SMAD6: variants seen among roughly 807,000 people sequenced by gnomAD.
SMAD6 encodes MAD homolog 6.
Under a neutral mutation model 39.4 loss-of-function variants are expected in SMAD6, and 103 were observed. The observed-to-expected ratio is 2.62, with a 90% CI of 2.23 to 3.08. The LOEUF is 3.08. Ranked by LOEUF, SMAD6 falls within the 30% of genes most tolerant of loss-of-function variation. The pLI is 0.00. For missense variants in SMAD6, 1,104 were observed against 742.9 expected (o/e 1.49, Z -5.65); for synonymous variants, 445 against 353.3 (o/e 1.26, Z -2.91).
At position 66,703,071 on chromosome 15, in the gene SMAD6, C is replaced by T; in HGVS notation, c.-188C>T. 2.4e-6 allele frequency: 1 copy of T among 422,576 alleles called. No homozygotes were observed. Among genetic ancestry groups the T allele is most frequent in the Non-Finnish European group, 4.2e-6 (1 of 236,158 alleles). The allele number at this position is 422,576 out of a possible 1,614,324, so 26.2% of individuals were successfully genotyped here. The stretch of plus-strand genomic sequence containing the variant: ...GCGCGTGTTCCCGGCCGTCCCGCCT[C>T]GGCGAGCTCCCTCATGTTGTCGCCC... On this transcript the variant is annotated 5_prime_UTR_variant, in exon 1 of 4. Transcript: ENST00000288840.
chr15:66,748,675 G>A (rs560664965), intron 3 of SMAD6, among the ~76,000 whole-genome samples: 21 of 152,260 alleles, frequency 1.4e-4, no homozygotes, highest in African/African-American at 5.1e-4. Flanking sequence ...AGATTGCAAG[G>A]CCCTTTCAGG....
intron 3 of SMAD6, among the ~76,000 whole-genome samples, chr15:66,767,003 C>G (rs1049439098): frequency 2.6e-5 from 4 of 152,172 alleles, no homozygotes; most frequent in African/African-American, 9.7e-5. Context: ...ACAGTGTGTG[C>G]TCTTATCCAG....
chr15:66,769,679 T>C (rs1894347823), intron 3 of SMAD6, among the ~76,000 whole-genome samples: 3 of 152,208 alleles, frequency 2.0e-5, no homozygotes, highest in African/African-American at 7.2e-5. Context: ...TTAGGTACTT[T>C]GCTTTTATGG....
intron 3 of SMAD6, among the ~76,000 whole-genome samples, chr15:66,774,502 C>T (rs1894431945): frequency 6.6e-6 from 1 of 152,176 alleles, no homozygotes; most frequent in Non-Finnish European, 1.5e-5. Flanking sequence ...ACCTCCTCCT[C>T]GGCGCAGACA....
intron 1 of SMAD6, chr15:66,706,201 A>C (rs1213104660): frequency 3.3e-5 from 5 of 152,190 alleles, no homozygotes; most frequent in African/African-American, 1.2e-4. Flanking sequence ...GTGCAGCTTG[A>C]CTTTGGATGA....
At chr15:66,717,135 T>C in intron 3 of SMAD6, 1 of 1,285,856 alleles carries the variant, frequency 7.8e-7, no homozygotes, top group Non-Finnish European at 1.0e-6. Flanking sequence ...CCTTGAGAAA[T>C]GAGAGGTTGG....
At chr15:66,740,983 A>G (rs1893803230) in intron 3 of SMAD6, 1 of 152,216 alleles carries the variant, frequency 6.6e-6, no homozygotes, top group Non-Finnish European at 1.5e-5. Context: ...AGCAGGAACG[A>G]GCTCATTTCG....
At chr15:66,756,762 A>C (rs1037612739) in intron 3 of SMAD6, among the ~76,000 whole-genome samples, 1 of 152,206 alleles carries the variant, frequency 6.6e-6, no homozygotes, top group Non-Finnish European at 1.5e-5. Flanking sequence ...ACTTGCCTAA[A>C]ATCACAAAGT....
At chr15:66,779,235 T>A (rs1010976831) in intron 3 of SMAD6, among the ~76,000 whole-genome samples, 5 of 152,170 alleles carry the variant, frequency 3.3e-5, no homozygotes, top group Non-Finnish European at 5.9e-5. Flanking sequence ...GCTGTCTCTG[T>A]CACTATTGCC....
chr15:66,755,096 G>C (rs556671800), intron 3 of SMAD6, among the ~76,000 whole-genome samples: 153 of 152,270 alleles, frequency 1.0e-3, no homozygotes, highest in Non-Finnish European at 1.3e-3. Context: ...ACTAGCAGCA[G>C]ATCAGTTGTG....
intron 3 of SMAD6, among the ~76,000 whole-genome samples, chr15:66,743,665 T>C (rs998332224): frequency 6.6e-6 from 1 of 152,172 alleles, no homozygotes; most frequent in Non-Finnish European, 1.5e-5. Flanking sequence ...CCCTTAATGC[T>C]ACCACCCTAA....
At chr15:66,733,388 T>C (rs181898351) in intron 3 of SMAD6, among the ~76,000 whole-genome samples, 116 of 152,376 alleles carry the variant, frequency 7.6e-4, no homozygotes, top group African/African-American at 2.7e-3. Flanking sequence ...TTGAGCATCA[T>C]TGTCATTTTG....
chr15:66,741,416 G>A (rs1175954233), intron 3 of SMAD6, among the ~76,000 whole-genome samples: 1 of 152,230 alleles, frequency 6.6e-6, no homozygotes, highest in African/African-American at 2.4e-5. Flanking sequence ...GGGAAGGTTT[G>A]TGTTTCATTA....
At chr15:66,735,315 C>G (rs1893694718) in intron 3 of SMAD6, among the ~76,000 whole-genome samples, 1 of 152,210 alleles carries the variant, frequency 6.6e-6, no homozygotes, top group African/African-American at 2.4e-5. Flanking sequence ...GACTCTTTCC[C>G]CAACAAGAGC....
chr15:66,718,362 G>C (rs1343923897), intron 3 of SMAD6, among the ~76,000 whole-genome samples: 1 of 152,166 alleles, frequency 6.6e-6, no homozygotes, highest in Non-Finnish European at 1.5e-5. Context: ...CACTGGGCCT[G>C]TGTCTGAGAT....
intron 3 of SMAD6, chr15:66,717,680 A>G (rs1893357092): frequency 8.6e-6 from 3 of 348,184 alleles, no homozygotes; most frequent in Non-Finnish European, 1.7e-5. Context: ...TTACAAGAGT[A>G]TGACTGTTGC....
At chr15:66,730,481 G>A in intron 3 of SMAD6, among the ~76,000 whole-genome samples, 1 of 152,202 alleles carries the variant, frequency 6.6e-6, no homozygotes, top group East Asian at 1.9e-4. Flanking sequence ...GGCCCAGTCA[G>A]ACTGTGAGTG....
At chr15:66,722,954 C>G (rs1282937270) in intron 3 of SMAD6, among the ~76,000 whole-genome samples, 3 of 152,208 alleles carry the variant, frequency 2.0e-5, no homozygotes, top group Non-Finnish European at 4.4e-5. Flanking sequence ...AATTCCTCAC[C>G]TCTCTAGTCT....
intron 3 of SMAD6, among the ~76,000 whole-genome samples, chr15:66,736,898 G>A (rs572818614): frequency 3.0e-4 from 45 of 152,194 alleles, no homozygotes; most frequent in Admixed American, 2.3e-3. Flanking sequence ...TCAATCTCTC[G>A]ACCTCATGAT....
Sources: gnomAD v4.1 joint callset for allele counts (sites outside exome capture counted in the v4.1 genomes callset) on GRCh38, gnomAD v4.1.1 for gene constraint, MANE v1.5 for transcripts, NCBI Gene and HGNC (gene_info 2026-07-23, HGNC 2026-07-21) for gene names.